Variants in DPF3 observed in about 807,000 individuals in gnomAD.
The protein encoded by DPF3 is zinc finger protein DPF3.
In DPF3, 18 loss-of-function variants were observed where a neutral mutation model predicts 56.8. That is an observed-to-expected ratio of 0.32 (90% confidence interval 0.22 to 0.47). The LOEUF (loss-of-function observed/expected upper bound fraction) is 0.47, where lower values mean the gene tolerates loss of function less well. Ranked by LOEUF, DPF3 falls within the 20% of genes least tolerant of loss-of-function variation. The probability of loss-of-function intolerance (pLI) is 1.00; values close to 1 mark genes in which losing one functional copy is unlikely to be tolerated. For missense variants in DPF3, 403 were observed against 488.8 expected, an observed-to-expected ratio of 0.82 and a Z score of 1.65; for synonymous variants, 188 against 180.2, an observed-to-expected ratio of 1.04 and a Z score of -0.35.
At chr14:72,771,685 A>G (rs369782950) in intron 2 of DPF3, 48 bp downstream of exon 2, 31 of 1,566,634 alleles carry the variant, frequency 2.0e-5, no homozygotes, top group East Asian at 1.9e-4. Flanking sequence ...TCCTCCCTCC[A>G]GGCTGGGAGC....
Position 72,714,295 on chromosome 14 carries a change from G to A in DPF3, c.604+128C>T, listed in dbSNP as rs1308092173. 2.6e-6 allele frequency: 3 copies of A among 1,175,102 alleles called. No individual in the cohort carries two copies. In the South Asian group the frequency reaches 4.4e-5, roughly 17 times the overall value. 72.8% of individuals were successfully genotyped at this position (1,175,102 alleles called of 1,614,324 possible). ...TGGAGGCGGCAGGCGAGTAAGCTGG[G>A]GTGCAGACAGAGGAAGAGGAGAGCA... On this transcript the variant is annotated intron_variant, in intron 6 of 10. Transcript: ENST00000556509.
rs897824614 is a variant in DPF3, at chr14:72,741,174, G to A, written c.302-9240C>T. Among the ~76,000 whole-genome samples, 6 of 152,294 alleles carry A rather than the reference G, an allele frequency of 3.9e-5. No individual in the cohort carries two copies. The South Asian group carries it at 6.2e-4, about 16-fold the overall frequency. On this transcript the variant is annotated intron_variant, in intron 3 of 10. Coordinates refer to ENST00000556509, the MANE Select transcript of DPF3 (RefSeq NM_001280542.3). ...CAAATTCATTTTCGGTGTTGGGGAC[G>A]GGAACTGTGTTGCAGAGACCCACCC...
chr14:72,891,799 C>G (rs191600477), intron 1 of DPF3, among the ~76,000 whole-genome samples: 1 of 152,170 alleles, frequency 6.6e-6, no homozygotes, highest in East Asian at 1.9e-4. Flanking sequence ...CCAAGCAACT[C>G]CCACCTAGAA....
chr14:72,705,672 C>T lies in DPF3; in HGVS notation c.604+8751G>A, dbSNP rs185765269. On this transcript the variant is annotated intron_variant, in intron 6 of 10. Transcript: ENST00000556509. ...GTTAGTCGAGCTGAGCCTTCTTCTT[C>T]CCTGGTATGCACATCCCACATTCCC... is the stretch of plus-strand genomic sequence containing the variant. Among the ~76,000 whole-genome samples the T allele has an allele frequency of 2.1e-3, 314 of 152,292 alleles. 1 individual carries two copies. The highest frequency in any genetic ancestry group is 4.1e-3 in the Non-Finnish European group (280 of 68,026).
chr14:72,810,813 G>C (rs1883012667), intron 1 of DPF3, among the ~76,000 whole-genome samples: 1 of 152,186 alleles, frequency 6.6e-6, no homozygotes. Flanking sequence ...GCTGGAAACA[G>C]AATCATTGCA....
chr14:72,884,971 T>TGTATATATATATATATATATATATATA (rs10523148), intron 1 of DPF3, among the ~76,000 whole-genome samples: 6 of 111,688 alleles, frequency 5.4e-5, no homozygotes, highest in Admixed American at 2.0e-4. Context: ...TATATATATA[T>TGTATATATATATATATATATATATATA]TAGCCGGGCG....
chr14:72,863,582 A>T (rs1885542017), intron 1 of DPF3, among the ~76,000 whole-genome samples: 1 of 148,784 alleles, frequency 6.7e-6, no homozygotes, highest in African/African-American at 2.5e-5. Flanking sequence ...AAAGCAACCG[A>T]TGTGTAGAAA....
At chr14:72,826,052 C>T (rs1343372345) in intron 1 of DPF3, among the ~76,000 whole-genome samples, 1 of 152,178 alleles carries the variant, frequency 6.6e-6, no homozygotes, top group South Asian at 2.1e-4. Flanking sequence ...TTGATCTCGG[C>T]GGGCTCTTCC....
At chr14:72,891,604 TA>T (rs1224966365) in intron 1 of DPF3, among the ~76,000 whole-genome samples, 1 of 152,164 alleles carries the variant, frequency 6.6e-6, no homozygotes, top group Non-Finnish European at 1.5e-5. Flanking sequence ...TTAAACAAGT[TA>T]TTTTTAAAAA....
At chr14:72,787,769 A>G (rs1003218497) in intron 1 of DPF3, among the ~76,000 whole-genome samples, 4 of 152,168 alleles carry the variant, frequency 2.6e-5, no homozygotes, top group Admixed American at 2.6e-4. Context: ...ATGGCAATAC[A>G]TGGGCTTCTA....
chr14:72,723,832 C>T, intron 4 of DPF3, 104 bp from the exon 5 acceptor site: 1 of 1,188,404 alleles, frequency 8.4e-7, no homozygotes, highest in East Asian at 2.5e-5. Context: ...TATTTTTTAA[C>T]AAAGTGAAGA....
At chr14:72,865,112 A>G (rs1216840104) in intron 1 of DPF3, among the ~76,000 whole-genome samples, 1 of 152,128 alleles carries the variant, frequency 6.6e-6, no homozygotes, top group Non-Finnish European at 1.5e-5. Flanking sequence ...TCAGGAGGAG[A>G]GAGGGAGATT....
intron 8 of DPF3, chr14:72,661,418 C>G (rs1886205123): frequency 4.1e-6 from 4 of 985,306 alleles, no homozygotes; most frequent in Non-Finnish European, 4.8e-6. Flanking sequence ...CCTCTGCTGA[C>G]CAGAATACCC....
intron 3 of DPF3, among the ~76,000 whole-genome samples, chr14:72,751,939 AGGACACT>A (rs1431671014): frequency 6.6e-6 from 1 of 152,190 alleles, no homozygotes; most frequent in Non-Finnish European, 1.5e-5. Flanking sequence ...AATTGGTATA[AGGACACT>A]GGAGACTTGG....
chr14:72,731,521 T>C (rs1889644415), intron 4 of DPF3: 4 of 363,372 alleles, frequency 1.1e-5, no homozygotes, highest in Non-Finnish European at 2.1e-5. Flanking sequence ...TCTGTGTCCC[T>C]GGGACCCTGC....
Position 72,768,401 on chromosome 14 carries a change from G to T in DPF3, c.193+3332C>A, listed in dbSNP as rs549410791. 2.0e-5 allele frequency among the ~76,000 whole-genome samples: 3 copies of T among 152,248 alleles called. No individual in the cohort carries two copies. The South Asian group carries it at 6.2e-4, about 32-fold the overall frequency. Reference sequence around the variant, plus strand: ...AGGATTTAAATAATGAGTGTTGGGTGGTAATAGAATAGTTTTGTATCTTGA... The same window carrying T: ...AGGATTTAAATAATGAGTGTTGGGTTGTAATAGAATAGTTTTGTATCTTGA... On this transcript the variant is annotated intron_variant, in intron 2 of 10. Transcript: ENST00000556509.
At chr14:72,629,099 T>C (rs752224424) in intron 9 of DPF3, among the ~76,000 whole-genome samples, 21 of 152,324 alleles carry the variant, frequency 1.4e-4, no homozygotes, top group Admixed American at 3.9e-4. Context: ...TAAGGAATTA[T>C]TGATTTTTTA....
chr14:72,615,892 C>T lies in DPF3; in HGVS notation c.*3405G>A, dbSNP rs1884060353. On this transcript the variant is annotated 3_prime_UTR_variant, in exon 11 of 11. Coordinates refer to ENST00000556509, the MANE Select transcript of DPF3 (RefSeq NM_001280542.3). ...AAAATGCCTACAGGAAACAGGATTT[C>T]CACTTCCGGTTGGGTCTGGCAGCCT... Among the ~76,000 whole-genome samples, 1 of 152,236 alleles carries T rather than the reference C, an allele frequency of 6.6e-6. No individual in the cohort carries two copies. Among genetic ancestry groups the T allele is most frequent in the South Asian group, 2.1e-4 (1 of 4,828 alleles).
chr14:72,774,652 A>C lies in DPF3; in HGVS notation c.33-2759T>G, dbSNP rs867499714. Among the ~76,000 whole-genome samples, 3 of 152,178 alleles carry C rather than the reference A, an allele frequency of 2.0e-5. No homozygotes were observed. The South Asian group carries it at 6.2e-4, about 32-fold the overall frequency. On this transcript the variant is annotated intron_variant, in intron 1 of 10. Coordinates refer to ENST00000556509, the MANE Select transcript of DPF3 (RefSeq NM_001280542.3). ...AAAAAAAACAAACAACAAAACAAAA[A>C]CCCTTTGCTCCTTTTTCACCTCTGA...
Sources: gnomAD v4.1 joint callset for allele counts (sites outside exome capture counted in the v4.1 genomes callset) on GRCh38, gnomAD v4.1.1 for gene constraint, MANE v1.5 for transcripts, NCBI Gene and HGNC (gene_info 2026-07-23, HGNC 2026-07-21) for gene names.